The following MCTP1 variants were observed in gnomAD, a reference collection of about 807,000 sequenced individuals.
MCTP1 encodes the protein multiple C2 and transmembrane domain-containing protein 1.
In MCTP1, 69 loss-of-function variants were observed where a neutral mutation model predicts 120.6. The ratio of observed to expected loss-of-function variants is 0.57; its 90% CI spans 0.47 to 0.70. The LOEUF is 0.70. Among genes scored for constraint, MCTP1 ranks in the 30% least tolerant of loss-of-function variants. The probability of loss-of-function intolerance (pLI) is 0.00; values close to 1 mark genes in which losing one functional copy is unlikely to be tolerated. For synonymous variants in MCTP1, 529 were observed against 493.1 expected, an observed-to-expected ratio of 1.07 and a Z score of -0.96; for missense variants, 1,203 against 1,248.8, an observed-to-expected ratio of 0.96 and a Z score of 0.55.
At chr5:95,175,497 G>C (rs1747858026) in intron 1 of MCTP1, among the ~76,000 whole-genome samples, 1 of 152,098 alleles carries the variant, frequency 6.6e-6, no homozygotes, top group African/African-American at 2.4e-5. Flanking sequence ...GGAACAATTA[G>C]AAAAACATTT....
intron 20 of MCTP1, among the ~76,000 whole-genome samples, chr5:94,712,950 G>A (rs565194296): frequency 6.6e-6 from 1 of 151,888 alleles, no homozygotes; most frequent in South Asian, 2.1e-4. Flanking sequence ...AGGATAAATG[G>A]CAAAGAATCC....
At chr5:95,100,685 C>G (rs1029766525) in intron 1 of MCTP1, among the ~76,000 whole-genome samples, 6 of 152,258 alleles carry the variant, frequency 3.9e-5, no homozygotes, top group Middle Eastern at 3.4e-3. Context: ...AGCTGACACC[C>G]CTGAGAGGCC....
intron 17 of MCTP1, among the ~76,000 whole-genome samples, chr5:94,847,554 T>C (rs1792678777): frequency 6.6e-6 from 1 of 151,942 alleles, no homozygotes; most frequent in South Asian, 2.1e-4. Context: ...ATGGATTCTT[T>C]GCCTTTTGTC....
chr5:94,806,206 A>G (rs1782246512), intron 17 of MCTP1, among the ~76,000 whole-genome samples: 1 of 152,098 alleles, frequency 6.6e-6, no homozygotes, highest in Non-Finnish European at 1.5e-5. Context: ...TCTGTCCAAA[A>G]TGTTTAGAAG....
chr5:95,201,743 G>T (rs1445744682), intron 1 of MCTP1, among the ~76,000 whole-genome samples: 1 of 151,886 alleles, frequency 6.6e-6, no homozygotes, highest in Non-Finnish European at 1.5e-5. Flanking sequence ...GACCTCAAGG[G>T]ATCCATCCGC....
chr5:94,923,360 A>G (rs771549375), intron 7 of MCTP1, among the ~76,000 whole-genome samples: 1 of 152,222 alleles, frequency 6.6e-6, no homozygotes, highest in African/African-American at 2.4e-5. Context: ...GAATTAGAGC[A>G]GAGAAAAAAA....
intron 1 of MCTP1, among the ~76,000 whole-genome samples, chr5:95,189,684 C>T (rs1410832954): frequency 1.3e-5 from 2 of 152,112 alleles, no homozygotes; most frequent in Non-Finnish European, 2.9e-5. Flanking sequence ...TACAACACCT[C>T]TATACACCAC....
In MCTP1 at chr5:95,047,614, C is replaced by T. The variant is rs146312942; in HGVS notation, c.721-30130G>A. The stretch of plus-strand genomic sequence containing the variant: ...AGATGAAAGGCCATTATTATCATGT[C>T]CTCCTAGCATATGAACATTCACAGG... On this transcript the variant is annotated intron_variant, in intron 1 of 22. Coordinates refer to ENST00000515393, the MANE Select transcript of MCTP1 (RefSeq NM_024717.7). Among the ~76,000 whole-genome samples, 27 of 152,170 alleles carry T rather than the reference C, an allele frequency of 1.8e-4. 2 individuals carry two copies. The highest frequency in any genetic ancestry group is 5.8e-4 in the African/African-American group (24 of 41,526).
At chr5:94,793,574 C>G (rs1779414516) in intron 18 of MCTP1, 1 of 152,190 alleles carries the variant, frequency 6.6e-6, no homozygotes, top group Admixed American at 6.5e-5. Context: ...ACACAGGAAA[C>G]TTGTGGTCTA....
chr5:95,010,668 C>T (rs1390332594), intron 2 of MCTP1, among the ~76,000 whole-genome samples: 3 of 152,166 alleles, frequency 2.0e-5, no homozygotes, highest in Non-Finnish European at 4.4e-5. Flanking sequence ...ATTTTAAACA[C>T]TTCTGGATGT....
chr5:94,913,854 G>A (rs367631098), intron 8 of MCTP1, among the ~76,000 whole-genome samples: 7 of 151,912 alleles, frequency 4.6e-5, no homozygotes, highest in African/African-American at 1.7e-4. Context: ...ACTGCACCCA[G>A]CTAATTTTTA....
At chr5:95,274,626 C>CTTTTTTTCTG (rs1759667407) in intron 1 of MCTP1, among the ~76,000 whole-genome samples, 1 of 149,554 alleles carries the variant, frequency 6.7e-6, no homozygotes, top group African/African-American at 2.5e-5. Flanking sequence ...TTACTGCTTT[C>CTTTTTTTCTG]TTTTTTTCTT....
chr5:94,934,096 A>G (rs1398949168), intron 5 of MCTP1, among the ~76,000 whole-genome samples: 1 of 151,748 alleles, frequency 6.6e-6, no homozygotes, highest in Non-Finnish European at 1.5e-5. Context: ...TCTACTACCA[A>G]AGCAATGGGT....
intron 10 of MCTP1, among the ~76,000 whole-genome samples, chr5:94,902,509 G>T (rs992355630): frequency 1.3e-5 from 2 of 151,980 alleles, no homozygotes; most frequent in African/African-American, 2.4e-5. Context: ...TATGAGAGGG[G>T]GTTTTAAAAA....
At chr5:94,849,805 A>G (rs1793271294) in intron 17 of MCTP1, among the ~76,000 whole-genome samples, 1 of 152,168 alleles carries the variant, frequency 6.6e-6, no homozygotes, top group African/African-American at 2.4e-5. Flanking sequence ...GTTTAATACA[A>G]TGCTGTCAAT....
chr5:94,895,252 G>GT (rs1803682409), intron 10 of MCTP1, among the ~76,000 whole-genome samples: 3 of 152,036 alleles, frequency 2.0e-5, no homozygotes, highest in Admixed American at 1.3e-4. Context: ...CCCCTCATTC[G>GT]TAAATGTTAT....
chr5:94,745,741 G>C (rs1038825319), intron 19 of MCTP1, among the ~76,000 whole-genome samples: 1 of 152,182 alleles, frequency 6.6e-6, no homozygotes, highest in Non-Finnish European at 1.5e-5. Flanking sequence ...CATATTTACA[G>C]AAGAGAAGCA....
chr5:95,093,308 C>T (rs1177690586), intron 1 of MCTP1, among the ~76,000 whole-genome samples: 1 of 152,162 alleles, frequency 6.6e-6, no homozygotes, highest in African/African-American at 2.4e-5. Context: ...AATGAAGAAA[C>T]TGGCAACATG....
At chr5:95,199,019 C>G (rs1467065810) in intron 1 of MCTP1, among the ~76,000 whole-genome samples, 1 of 151,978 alleles carries the variant, frequency 6.6e-6, no homozygotes, top group Non-Finnish European at 1.5e-5. Context: ...TTCTCTAGCC[C>G]AGGACATTAA....
Sources: gnomAD v4.1 joint callset for allele counts (sites outside exome capture counted in the v4.1 genomes callset) on GRCh38, gnomAD v4.1.1 for gene constraint, MANE v1.5 for transcripts, NCBI Gene and HGNC (gene_info 2026-07-23, HGNC 2026-07-21) for gene names.